The following LRRC4C variants were observed in gnomAD, a reference collection of about 807,000 sequenced individuals.
LRRC4C encodes the protein leucine-rich repeat-containing protein 4C.
Under a neutral mutation model 33.6 loss-of-function variants are expected in LRRC4C, and 5 were observed. The observed-to-expected ratio is 0.15, with a 90% confidence interval of 0.08 to 0.31. The LOEUF is 0.31. Ranked by LOEUF, LRRC4C falls within the 10% of genes least tolerant of loss-of-function variation. The pLI, the probability that LRRC4C is intolerant of heterozygous loss-of-function variation, is 1.00. For synonymous variants in LRRC4C, 329 were observed against 302.0 expected (o/e 1.09, Z -0.93); for missense variants, 560 against 796.7 (o/e 0.70, Z 3.58).
At chr11:40,146,069 T>C (rs760044755) in intron 5 of LRRC4C, among the ~76,000 whole-genome samples, 4 of 152,174 alleles carry the variant, frequency 2.6e-5, no homozygotes, top group Non-Finnish European at 5.9e-5. Context: ...CAGCACCTGA[T>C]TGACCTCTTG....
At chr11:41,254,073 A>C (rs1948724227) in intron 1 of LRRC4C, among the ~76,000 whole-genome samples, 2 of 152,068 alleles carry the variant, frequency 1.3e-5, no homozygotes, top group Admixed American at 1.3e-4. Flanking sequence ...TAAGATATTC[A>C]CCAGTGTCCA....
At chr11:40,675,113 T>A (rs1944329997) in intron 2 of LRRC4C, among the ~76,000 whole-genome samples, 1 of 152,162 alleles carries the variant, frequency 6.6e-6, no homozygotes, top group African/African-American at 2.4e-5. Flanking sequence ...AGGTTTACTA[T>A]ACATTTAATG....
At chr11:40,991,159 G>A (rs1216288711) in intron 1 of LRRC4C, among the ~76,000 whole-genome samples, 2 of 143,870 alleles carry the variant, frequency 1.4e-5, no homozygotes, top group African/African-American at 5.2e-5. Context: ...CAGAATTGTG[G>A]AAGACTTGTA....
intron 5 of LRRC4C, among the ~76,000 whole-genome samples, chr11:40,186,521 C>T (rs760849024): frequency 2.0e-5 from 3 of 152,146 alleles, no homozygotes; most frequent in Non-Finnish European, 4.4e-5. Flanking sequence ...CTTACAGTCT[C>T]TAGTGCAGCT....
At chr11:40,468,375 A>G (rs1250419327) in intron 3 of LRRC4C, among the ~76,000 whole-genome samples, 1 of 152,208 alleles carries the variant, frequency 6.6e-6, no homozygotes. Flanking sequence ...TGTTAGGCAG[A>G]TCTTAGTATT....
At chr11:41,114,387 C>T (rs1001582272) in intron 1 of LRRC4C, among the ~76,000 whole-genome samples, 1 of 151,988 alleles carries the variant, frequency 6.6e-6, no homozygotes, top group African/African-American at 2.4e-5. Flanking sequence ...ATATGCCAGC[C>T]TATTAGTATA....
intron 3 of LRRC4C, among the ~76,000 whole-genome samples, chr11:40,425,642 C>T (rs992511245): frequency 6.6e-5 from 10 of 152,130 alleles, no homozygotes; most frequent in Middle Eastern, 3.4e-3. Flanking sequence ...GAGCCATAAA[C>T]GGAGGAGCAA....
chr11:41,239,131 C>T (rs1295545726), intron 1 of LRRC4C, among the ~76,000 whole-genome samples: 8 of 140,646 alleles, frequency 5.7e-5, no homozygotes, highest in Non-Finnish European at 1.1e-4. Context: ...CTGGCCAACA[C>T]GGTGAAACCC....
At chr11:40,435,432 A>G (rs1951105350) in intron 3 of LRRC4C, among the ~76,000 whole-genome samples, 1 of 152,208 alleles carries the variant, frequency 6.6e-6, no homozygotes, top group African/African-American at 2.4e-5. Context: ...TGAAGAAAAG[A>G]TGGGGAGGAG....
At chr11:40,512,816 G>C (rs536225036) in intron 3 of LRRC4C, among the ~76,000 whole-genome samples, 12 of 152,150 alleles carry the variant, frequency 7.9e-5, no homozygotes, top group Middle Eastern at 3.4e-3. Flanking sequence ...ATTGGGAGTC[G>C]ACACTTTGAA....
chr11:40,213,075 C>A lies in LRRC4C; in HGVS notation c.-96+28444G>T, dbSNP rs140583502. Among the ~76,000 whole-genome samples the A allele has an allele frequency of 1.1e-3, 166 of 152,182 alleles. 1 individual carries two copies. Among genetic ancestry groups the A allele is most frequent in the East Asian group, 6.0e-3 (31 of 5,176 alleles). On this transcript the variant is annotated intron_variant, in intron 5 of 6. Transcript: ENST00000528697. The stretch of plus-strand genomic sequence containing the variant: ...TTGTCCTGTCCTTTTAACAAAAGGA[C>A]CATAACTTCGGAGCAAAACTCAACT...
chr11:40,528,127 G>T (rs12574510), intron 3 of LRRC4C, among the ~76,000 whole-genome samples: 14,327 of 152,054 alleles, frequency 0.094, 796 homozygotes, highest in Middle Eastern at 0.15. Flanking sequence ...TTAAAAAACT[G>T]ATTTCTTGGA....
chr11:40,851,371 T>C lies in LRRC4C; in HGVS notation c.-407+82264A>G, dbSNP rs369764500. On this transcript the variant is annotated intron_variant, in intron 2 of 6. Transcript: ENST00000528697. ...CCCTCACAGCACAGTCCCTCATGGC[T>C]TCCCTTAGCTAGGGGAGGGAGTTCC... is the stretch of plus-strand genomic sequence containing the variant. 1.7e-3 allele frequency among the ~76,000 whole-genome samples: 266 copies of C among 152,176 alleles called. 2 individuals are homozygous for C. Among genetic ancestry groups the C allele is most frequent in the African/African-American group, 5.5e-3 (230 of 41,532 alleles).
intron 1 of LRRC4C, among the ~76,000 whole-genome samples, chr11:41,187,365 C>T (rs543501279): frequency 1.3e-5 from 2 of 152,232 alleles, no homozygotes; most frequent in East Asian, 1.9e-4. Context: ...AACTGGAAGT[C>T]GAGAAAAATG....
chr11:40,728,062 A>G (rs1947373581), intron 2 of LRRC4C, among the ~76,000 whole-genome samples: 2 of 151,994 alleles, frequency 1.3e-5, no homozygotes, highest in African/African-American at 4.8e-5. Flanking sequence ...AACATCACGA[A>G]TCATAAGTGA....
intron 3 of LRRC4C, among the ~76,000 whole-genome samples, chr11:40,364,789 T>A (rs898154530): frequency 1.4e-4 from 22 of 151,830 alleles, no homozygotes; most frequent in African/African-American, 4.6e-4. Flanking sequence ...ATGCATCTTA[T>A]AAACAGCCAA....
intron 1 of LRRC4C, among the ~76,000 whole-genome samples, chr11:41,387,401 A>C (rs1327323239): frequency 6.6e-6 from 1 of 151,708 alleles, no homozygotes; most frequent in African/African-American, 2.4e-5. Context: ...TGAAACAAAG[A>C]GTTTTCTAAA....
intron 3 of LRRC4C, among the ~76,000 whole-genome samples, chr11:40,358,559 G>T (rs1947789967): frequency 6.6e-6 from 1 of 152,138 alleles, no homozygotes; most frequent in African/African-American, 2.4e-5. Flanking sequence ...GGGATTACAG[G>T]TATGAGTTAC....
intron 5 of LRRC4C, among the ~76,000 whole-genome samples, chr11:40,204,333 C>T (rs1395869661): frequency 6.6e-6 from 1 of 152,148 alleles, no homozygotes; most frequent in Non-Finnish European, 1.5e-5. Flanking sequence ...TTATCCTTTC[C>T]TTCAGCTTGC....
Sources: gnomAD v4.1 joint callset for allele counts (sites outside exome capture counted in the v4.1 genomes callset) on GRCh38, gnomAD v4.1.1 for gene constraint, MANE v1.5 for transcripts, NCBI Gene and HGNC (gene_info 2026-07-23, HGNC 2026-07-21) for gene names.